Variants in MID1 observed in about 807,000 individuals in gnomAD.
The protein encoded by MID1 is E3 ubiquitin-protein ligase Midline-1.
Under a neutral mutation model 40.4 loss-of-function variants are expected in MID1, and 7 were observed. The observed-to-expected ratio is 0.17, with a 90% confidence interval of 0.10 to 0.33. MID1 has a LOEUF of 0.33. Ranked by LOEUF, MID1 falls within the 10% of genes least tolerant of loss-of-function variation. MID1 has a pLI of 1.00. For synonymous variants in MID1, 229 were observed against 221.2 expected (o/e 1.04, Z -0.31); for missense variants, 367 against 558.5 (o/e 0.66, Z 3.46).
intron 1 of MID1, among the ~76,000 whole-genome samples, chrX:10,692,681 G>A (rs1415883523): frequency 9.0e-6 from 1 of 111,672 alleles, no homozygotes; most frequent in Non-Finnish European, 1.9e-5. Flanking sequence ...TTGAAATCTG[G>A]TGTGTATTTC....
At chrX:10,768,882 T>C (rs1338643190) in intron 1 of MID1, among the ~76,000 whole-genome samples, 1 of 111,652 alleles carries the variant, frequency 9.0e-6, no homozygotes, top group Non-Finnish European at 1.9e-5. Context: ...TGAATTCCTT[T>C]TCTGTTTGAG....
chrX:10,829,133 CAAT>C (rs1434275510), intron 1 of MID1, among the ~76,000 whole-genome samples: 6 of 112,005 alleles, frequency 5.4e-5, no homozygotes, highest in African/African-American at 1.9e-4. Context: ...TCCCCCAAGG[CAAT>C]ACATGATGAG....
intron 1 of MID1, among the ~76,000 whole-genome samples, chrX:10,638,669 G>A (rs1052030911): frequency 2.7e-5 from 3 of 111,920 alleles, no homozygotes; most frequent in Non-Finnish European, 3.8e-5. Context: ...GCTTCTCCCA[G>A]CATGGAGTTT....
intron 1 of MID1, among the ~76,000 whole-genome samples, chrX:10,631,560 C>T (rs1054568034): frequency 1.8e-5 from 2 of 111,700 alleles, no homozygotes; most frequent in African/African-American, 6.5e-5. Flanking sequence ...AAAATAGTAG[C>T]TTGTATTATG....
chrX:10,537,172 C>T (rs1413764345), intron 2 of MID1, among the ~76,000 whole-genome samples: 1 of 110,379 alleles, frequency 9.1e-6, no homozygotes, highest in Non-Finnish European at 1.9e-5. Flanking sequence ...TTCTTGATTA[C>T]TTATAAACGT....
intron 7 of MID1, among the ~76,000 whole-genome samples, chrX:10,463,791 G>A (rs7879158): frequency 0.011 from 1,263 of 112,449 alleles, 13 homozygotes; most frequent in African/African-American, 0.04. Context: ...TAAATAATTT[G>A]CTCAAGACTG....
chrX:10,476,096 T>G (rs1929994764), intron 5 of MID1, among the ~76,000 whole-genome samples: 1 of 111,649 alleles, frequency 9.0e-6, no homozygotes, highest in African/African-American at 3.3e-5. Context: ...AACATTATGC[T>G]CTGTGAAAGA....
At chrX:10,751,823 C>T (rs2043600187) in intron 1 of MID1, among the ~76,000 whole-genome samples, 1 of 112,021 alleles carries the variant, frequency 8.9e-6, no homozygotes, top group Non-Finnish European at 1.9e-5. Flanking sequence ...CGAAATGTGA[C>T]CCCCAATATT....
At chrX:10,714,814 C>A (rs937644697) in intron 1 of MID1, among the ~76,000 whole-genome samples, 1 of 111,556 alleles carries the variant, frequency 9.0e-6, no homozygotes, top group Non-Finnish European at 1.9e-5. Context: ...GGAACAATAT[C>A]ATCAGACAAA....
At chrX:10,672,665 C>T (rs927609948) in intron 1 of MID1, among the ~76,000 whole-genome samples, 10 of 111,436 alleles carry the variant, frequency 9.0e-5, no homozygotes, top group Non-Finnish European at 1.7e-4. Context: ...CCATTTTGTG[C>T]TTCAGACCTC....
intron 1 of MID1, among the ~76,000 whole-genome samples, chrX:10,767,883 T>C (rs2043741940): frequency 8.9e-6 from 1 of 112,282 alleles, no homozygotes. Flanking sequence ...TACATATTTA[T>C]TGAATAAATC....
rs1283542401 is a variant in MID1 at position 10,620,350 on chromosome X, C to T, written c.-117G>A. 1 of 112,504 alleles carries T rather than the reference C, an allele frequency of 8.9e-6. No individual in the cohort carries two copies. 9.3% of individuals were successfully genotyped at this position (112,504 alleles called of 1,213,427 possible). A position where few individuals can be genotyped will look rare whatever the true frequency, so the allele number is the denominator to read the frequency against. On this transcript the variant is annotated 5_prime_UTR_variant, in exon 1 of 10. Coordinates refer to ENST00000317552, the MANE Select transcript of MID1 (RefSeq NM_000381.4). ...AGGGAGCGAGCTGCATCGGAGCCCG[C>T]GTCGCAGTCTTCAGAGCGGAAACAC...
chrX:10,798,982 C>A (rs2043986662), intron 1 of MID1, among the ~76,000 whole-genome samples: 1 of 111,345 alleles, frequency 9.0e-6, no homozygotes, highest in African/African-American at 3.3e-5. Context: ...TTTTCTTCTT[C>A]ATGTTGACTG....
At chrX:10,722,378 C>A (rs1197706512) in intron 1 of MID1, among the ~76,000 whole-genome samples, 3 of 111,831 alleles carry the variant, frequency 2.7e-5, no homozygotes, top group African/African-American at 9.7e-5. Flanking sequence ...TGTTATAAAT[C>A]ATCTAGAGAT....
intron 8 of MID1, 30 bp downstream of exon 8, chrX:10,459,616 T>C (rs771156397): frequency 8.3e-7 from 1 of 1,201,193 alleles, no homozygotes; most frequent in East Asian, 3.0e-5. Context: ...AGATAAGACA[T>C]GACAGCTCTG....
chrX:10,488,746 A>C (rs762507295), intron 4 of MID1, among the ~76,000 whole-genome samples: 2 of 110,849 alleles, frequency 1.8e-5, no homozygotes, highest in East Asian at 5.7e-4. Context: ...GGCACCATCT[A>C]ATCAGCTGCC....
intron 2 of MID1, among the ~76,000 whole-genome samples, chrX:10,527,431 C>G (rs1281191961): frequency 8.9e-6 from 1 of 111,805 alleles, no homozygotes; most frequent in Non-Finnish European, 1.9e-5. Context: ...TTGTTAAGAT[C>G]AAATGAGAAA....
At chrX:10,691,636 AATTG>A (rs1370452645) in intron 1 of MID1, among the ~76,000 whole-genome samples, 1 of 112,005 alleles carries the variant, frequency 8.9e-6, no homozygotes, top group African/African-American at 3.2e-5. Flanking sequence ...TTATTGTACA[AATTG>A]ATTGTAAAAT....
chrX:10,755,349 G>C (rs1483196498), intron 1 of MID1, among the ~76,000 whole-genome samples: 1 of 110,258 alleles, frequency 9.1e-6, no homozygotes, highest in Non-Finnish European at 1.9e-5. Flanking sequence ...TTTTTTTTTT[G>C]TTGTTGTTCA....
Sources: gnomAD v4.1 joint callset for allele counts (sites outside exome capture counted in the v4.1 genomes callset) on GRCh38, gnomAD v4.1.1 for gene constraint, MANE v1.5 for transcripts, NCBI Gene and HGNC (gene_info 2026-07-23, HGNC 2026-07-21) for gene names.